Variants in DLGAP2 observed in about 807,000 individuals in gnomAD.
DLGAP2 encodes the protein DLG associated protein 2.
A neutral mutation model predicts 100.3 loss-of-function variants in DLGAP2; 26 were observed. That is an observed-to-expected ratio of 0.26 (90% CI 0.19 to 0.36). The LOEUF (loss-of-function observed/expected upper bound fraction) is 0.36. DLGAP2 is among the 10% of genes least tolerant of loss of function. The pLI is 1.00. For synonymous variants in DLGAP2, 886 were observed against 630.1 expected (o/e 1.41, Z -6.08); for missense variants, 1,858 against 1,453.2 (o/e 1.28, Z -4.53).
chr8:1,450,698 C>T (rs944771973), intron 3 of DLGAP2, among the ~76,000 whole-genome samples: 10 of 152,070 alleles, frequency 6.6e-5, no homozygotes, highest in Non-Finnish European at 1.2e-4. Context: ...CCTATGTCCC[C>T]AGGGCCTTGG....
intron 2 of DLGAP2, among the ~76,000 whole-genome samples, chr8:1,124,641 AG>A (rs1361717409): frequency 1.3e-5 from 2 of 152,254 alleles, no homozygotes; most frequent in Non-Finnish European, 2.9e-5. Flanking sequence ...AGCTGAAAAC[AG>A]GAAACCTGCA....
chr8:1,030,073 A>G (rs1240166836), intron 2 of DLGAP2, among the ~76,000 whole-genome samples: 1 of 150,326 alleles, frequency 6.7e-6, no homozygotes, highest in Non-Finnish European at 1.5e-5. Context: ...TCAGGATTAG[A>G]CAAATGTTAA....
At chr8:1,669,273 C>T (rs1466017068) in intron 9 of DLGAP2, among the ~76,000 whole-genome samples, 1 of 152,208 alleles carries the variant, frequency 6.6e-6, no homozygotes, top group African/African-American at 2.4e-5. Flanking sequence ...TCTGGGCCCC[C>T]AGATGTCTAC....
At chr8:1,367,884 G>C (rs1006374056) in intron 3 of DLGAP2, among the ~76,000 whole-genome samples, 2 of 152,206 alleles carry the variant, frequency 1.3e-5, no homozygotes, top group African/African-American at 4.8e-5. Flanking sequence ...AGAGAGAGAA[G>C]AGGGGGCAGA....
chr8:1,340,821 G>A (rs530405725), intron 3 of DLGAP2, among the ~76,000 whole-genome samples: 26 of 152,280 alleles, frequency 1.7e-4, no homozygotes, highest in Non-Finnish European at 2.9e-4. Flanking sequence ...TAGCAGAGAC[G>A]TGGAATCAAC....
At chr8:1,491,929 G>A (rs1318559234) in intron 3 of DLGAP2, among the ~76,000 whole-genome samples, 1 of 152,192 alleles carries the variant, frequency 6.6e-6, no homozygotes, top group Non-Finnish European at 1.5e-5. Flanking sequence ...GCGGAGCTCC[G>A]GAGCGGGACG....
intron 2 of DLGAP2, among the ~76,000 whole-genome samples, chr8:923,649 G>A (rs1013438063): frequency 6.6e-6 from 1 of 152,156 alleles, no homozygotes; most frequent in Admixed American, 6.5e-5. Context: ...CCAGTTTAGA[G>A]ACCCCTCTGA....
At chr8:1,154,601 A>G (rs1464182586) in intron 2 of DLGAP2, among the ~76,000 whole-genome samples, 2 of 136,218 alleles carry the variant, frequency 1.5e-5, no homozygotes, top group African/African-American at 2.6e-5. Flanking sequence ...CAATCACAAG[A>G]AAAGACAGAA....
chr8:742,890 G>A (rs1563406544), intron 1 of DLGAP2, among the ~76,000 whole-genome samples: 1 of 152,064 alleles, frequency 6.6e-6, no homozygotes, highest in Non-Finnish European at 1.5e-5. Context: ...AACTTGATAG[G>A]GTTAAGGAGG....
intron 1 of DLGAP2, among the ~76,000 whole-genome samples, chr8:794,956 T>A (rs1299326042): frequency 6.6e-6 from 1 of 152,166 alleles, no homozygotes; most frequent in Admixed American, 6.5e-5. Flanking sequence ...GTGTGGCTTG[T>A]CCATCCCTCC....
At chr8:1,540,679 C>A (rs1400774392) in intron 4 of DLGAP2, among the ~76,000 whole-genome samples, 1 of 152,240 alleles carries the variant, frequency 6.6e-6, no homozygotes, top group Non-Finnish European at 1.5e-5. Context: ...TGGTGTCTTA[C>A]CCCACGGAGG....
At chr8:748,994 A>G (rs937175370) in intron 1 of DLGAP2, among the ~76,000 whole-genome samples, 1 of 151,928 alleles carries the variant, frequency 6.6e-6, no homozygotes, top group Admixed American at 6.6e-5. Flanking sequence ...ACTTTTGTAC[A>G]TTTTCTTTTC....
At chr8:1,237,370 G>C (rs7465033) in intron 2 of DLGAP2, among the ~76,000 whole-genome samples, 1 of 60,102 alleles carries the variant, frequency 1.7e-5, no homozygotes, top group South Asian at 8.6e-4. Context: ...ACATGGCGCC[G>C]TGTCTGTTTC....
intron 1 of DLGAP2, among the ~76,000 whole-genome samples, chr8:896,538 C>T (rs1021555052): frequency 6.6e-6 from 1 of 152,136 alleles, no homozygotes; most frequent in Non-Finnish European, 1.5e-5. Flanking sequence ...TATGTTGAAG[C>T]CTTGGTCCCC....
At chr8:1,385,099 T>G (rs11994053) in intron 3 of DLGAP2, among the ~76,000 whole-genome samples, 96 of 85,852 alleles carry the variant, frequency 1.1e-3, no homozygotes, top group East Asian at 2.5e-3. Flanking sequence ...CCTATGCCCG[T>G]CCCCTGAGAA....
At chr8:1,299,445 A>G (rs550518203) in intron 3 of DLGAP2, among the ~76,000 whole-genome samples, 1 of 152,350 alleles carries the variant, frequency 6.6e-6, no homozygotes, top group African/African-American at 2.4e-5. Flanking sequence ...ATGATGTTTA[A>G]TAATACTCTT....
chr8:1,559,784 C>T (rs1027766922), intron 5 of DLGAP2, among the ~76,000 whole-genome samples: 5 of 152,254 alleles, frequency 3.3e-5, no homozygotes, highest in African/African-American at 1.2e-4. Context: ...CACACATTCC[C>T]AGGAGAGTGG....
intron 4 of DLGAP2, among the ~76,000 whole-genome samples, chr8:1,502,758 T>C (rs1563187174): frequency 6.6e-6 from 1 of 152,182 alleles, no homozygotes; most frequent in Non-Finnish European, 1.5e-5. Context: ...CTTGAGGCTT[T>C]GGAGGTAGCT....
chr8:1,615,013 G>A (rs997321905), intron 6 of DLGAP2, among the ~76,000 whole-genome samples: 2 of 152,366 alleles, frequency 1.3e-5, no homozygotes, highest in East Asian at 1.9e-4. Context: ...TGCTGCAGGA[G>A]GGCGGTAGGA....
Sources: allele counts gnomAD v4.1 joint callset (sites outside exome capture counted in the v4.1 genomes callset), GRCh38; gene constraint gnomAD v4.1.1; transcripts MANE v1.5; gene names NCBI Gene and HGNC (gene_info 2026-07-23, HGNC 2026-07-21).